The following AMPH variants were observed in gnomAD, a reference collection of about 807,000 sequenced individuals.
AMPH encodes amphiphysin.
Under a neutral mutation model 99.1 loss-of-function variants are expected in AMPH, and 49 were observed. The ratio of observed to expected loss-of-function variants is 0.49; its 90% CI spans 0.39 to 0.63. AMPH has a LOEUF of 0.63. Among genes scored for constraint, AMPH ranks in the 20% least tolerant of loss-of-function variants. The pLI is 0.00. For missense variants in AMPH, 759 were observed against 863.4 expected, an observed-to-expected ratio of 0.88 and a Z score of 1.52; for synonymous variants, 314 against 317.3, an observed-to-expected ratio of 0.99 and a Z score of 0.11.
intron 3 of AMPH, among the ~76,000 whole-genome samples, chr7:38,503,030 G>A (rs948807029): frequency 1.8e-5 from 2 of 111,988 alleles, no homozygotes; most frequent in Non-Finnish European, 3.6e-5. Flanking sequence ...GCGTGATGAT[G>A]GATAGCAGGC....
At chr7:38,425,345 A>C (rs929803086) in intron 15 of AMPH, among the ~76,000 whole-genome samples, 1 of 152,214 alleles carries the variant, frequency 6.6e-6, no homozygotes, top group Non-Finnish European at 1.5e-5. Context: ...AAGAAGATGA[A>C]ACTGATTGAA....
At chr7:38,588,219 C>T (rs1462302607) in intron 1 of AMPH, among the ~76,000 whole-genome samples, 1 of 152,090 alleles carries the variant, frequency 6.6e-6, no homozygotes, top group Admixed American at 6.5e-5. Flanking sequence ...TCCCAAAATG[C>T]TAGGATTACA....
intron 3 of AMPH, among the ~76,000 whole-genome samples, chr7:38,502,259 C>T (rs1237616695): frequency 6.6e-6 from 1 of 152,208 alleles, no homozygotes; most frequent in African/African-American, 2.4e-5. Flanking sequence ...TAAAGACCTT[C>T]TCTACAGCCT....
At position 38,451,399 on chromosome 7, in the gene AMPH, C is replaced by A. The variant is rs61076521; in HGVS notation, c.1017+9884G>T. Among the ~76,000 whole-genome samples the A allele has an allele frequency of 3.7e-5, 5 of 134,876 alleles. 1 individual carries two copies. Among genetic ancestry groups the A allele is most frequent in the East Asian group, 9.0e-4 (2 of 2,216 alleles). The allele number at this position is 134,876 out of a possible 152,430, so 88.5% of individuals were successfully genotyped here. ...ATATACACATGTATATATACATATA[C>A]GTGTGTATATACACACATACATGAT... On this transcript the variant is annotated intron_variant, in intron 11 of 20. Transcript: ENST00000356264.
intron 1 of AMPH, among the ~76,000 whole-genome samples, chr7:38,561,924 G>GAA (rs112793515): frequency 0.021 from 2,919 of 138,902 alleles, 46 homozygotes; most frequent in Non-Finnish European, 0.03. Context: ...GGACTTGTAA[G>GAA]AAAAAAAAAA....
intron 1 of AMPH, among the ~76,000 whole-genome samples, chr7:38,621,874 T>G (rs974614218): frequency 2.0e-5 from 3 of 152,188 alleles, no homozygotes; most frequent in African/African-American, 7.2e-5. Flanking sequence ...TTGGTCAATT[T>G]GTGTTCAGGA....
chr7:38,407,639 A>C (rs1337413091), intron 17 of AMPH, among the ~76,000 whole-genome samples: 1 of 152,184 alleles, frequency 6.6e-6, no homozygotes, highest in Admixed American at 6.5e-5. Context: ...AATTAAAAAA[A>C]TTCAAAAAAT....
At position 38,558,445 on chromosome 7, in the gene AMPH, C is replaced by T. The variant is rs117275214; in HGVS notation, c.70-23434G>A. 2.3e-3 allele frequency among the ~76,000 whole-genome samples: 350 copies of T among 152,296 alleles called. 4 individuals are homozygous for T. The highest frequency in any genetic ancestry group is 3.8e-3 in the Non-Finnish European group (260 of 68,022). ...TCTGGTTTTATACTGCATCTTTGCT[C>T]GCTCAGAGAATTGAAACTCTTCTGG... is the stretch of plus-strand genomic sequence containing the variant. On this transcript the variant is annotated intron_variant, in intron 1 of 20. Transcript: ENST00000356264.
chr7:38,542,134 TTC>T (rs1790830331), intron 1 of AMPH, among the ~76,000 whole-genome samples: 1 of 152,330 alleles, frequency 6.6e-6, no homozygotes, highest in East Asian at 1.9e-4. Flanking sequence ...GATGGTCCTC[TTC>T]TCCAGGAGTT....
chr7:38,609,595 G>A lies in AMPH; in HGVS notation c.69+21688C>T, dbSNP rs114625332. Among the ~76,000 whole-genome samples, 975 of 152,268 alleles carry A rather than the reference G, an allele frequency of 6.4e-3. 11 individuals are homozygous for A. The highest frequency in any genetic ancestry group is 0.022 in the African/African-American group (922 of 41,552). ...AAAAACCACATTCTCCAAGTGGACC[G>A]AACCAAGAGGTGCTAAGCAGAAAGA... On this transcript the variant is annotated intron_variant, in intron 1 of 20. Transcript: ENST00000356264.
intron 19 of AMPH, among the ~76,000 whole-genome samples, chr7:38,390,116 C>T (rs1325294910): frequency 1.3e-5 from 2 of 152,172 alleles, no homozygotes; most frequent in Non-Finnish European, 2.9e-5. Flanking sequence ...ATGCCCTCTA[C>T]AACAGGGAAA....
At chr7:38,566,444 G>A (rs12155473) in intron 1 of AMPH, among the ~76,000 whole-genome samples, 43,124 of 151,636 alleles carry the variant, frequency 0.28, 6,463 homozygotes, top group Non-Finnish European at 0.34. Flanking sequence ...CATAAAAACC[G>A]TAGAAGAAAA....
At chr7:38,590,833 T>C (rs17171407) in intron 1 of AMPH, among the ~76,000 whole-genome samples, 3,390 of 152,250 alleles carry the variant, frequency 0.022, 92 homozygotes, top group East Asian at 0.085. Context: ...GGTGGCTCTA[T>C]TGAGGACAAT....
chr7:38,520,103 T>C (rs1055096708), intron 2 of AMPH, among the ~76,000 whole-genome samples: 6 of 152,234 alleles, frequency 3.9e-5, no homozygotes, highest in African/African-American at 1.4e-4. Flanking sequence ...TGTATGTATA[T>C]ATATGTATAT....
At chr7:38,492,491 CTTTT>C (rs1160410657) in intron 4 of AMPH, among the ~76,000 whole-genome samples, 1 of 152,190 alleles carries the variant, frequency 6.6e-6, no homozygotes, top group Non-Finnish European at 1.5e-5. Flanking sequence ...CACACACACA[CTTTT>C]AAAATTTGCT....
intron 2 of AMPH, among the ~76,000 whole-genome samples, chr7:38,510,835 G>A (rs1029241677): frequency 6.6e-6 from 1 of 152,118 alleles, no homozygotes; most frequent in African/African-American, 2.4e-5. Flanking sequence ...CATTCTCCAT[G>A]CTCTCAGGAT....
At chr7:38,442,233 T>G (rs1786584804) in intron 11 of AMPH, among the ~76,000 whole-genome samples, 1 of 152,148 alleles carries the variant, frequency 6.6e-6, no homozygotes, top group Non-Finnish European at 1.5e-5. Flanking sequence ...AACCTACACT[T>G]GTACCCCTGA....
At chr7:38,507,182 G>A (rs1265117371) in intron 2 of AMPH, among the ~76,000 whole-genome samples, 1 of 151,948 alleles carries the variant, frequency 6.6e-6, no homozygotes, top group African/African-American at 2.4e-5. Context: ...TCATCTTGTC[G>A]AAGGGAAACA....
chr7:38,553,511 A>G (rs2129046660), intron 1 of AMPH, among the ~76,000 whole-genome samples: 1 of 152,378 alleles, frequency 6.6e-6, no homozygotes, highest in East Asian at 1.9e-4. Context: ...GAAATAGGTT[A>G]CTGAGGGATC....
Sources: allele counts gnomAD v4.1 joint callset (sites outside exome capture counted in the v4.1 genomes callset), GRCh38; gene constraint gnomAD v4.1.1; transcripts MANE v1.5; gene names NCBI Gene and HGNC (gene_info 2026-07-23, HGNC 2026-07-21).